The following UTP6 variants were observed in gnomAD, a reference collection of about 807,000 sequenced individuals.
UTP6 encodes the protein UTP6 small subunit processome component, also known as U3 small nucleolar RNA-associated protein 6 homolog.
UTP6 carries 60 observed loss-of-function variants against 96.5 expected under a neutral mutation model. The observed-to-expected ratio is 0.62, with a 90% CI of 0.51 to 0.77. The LOEUF (loss-of-function observed/expected upper bound fraction) is 0.77. UTP6 is among the 30% of genes least tolerant of loss of function. The probability of loss-of-function intolerance (pLI) is 0.00; values close to 1 mark genes in which losing one functional copy is unlikely to be tolerated. For synonymous variants in UTP6, 215 were observed against 240.1 expected (o/e 0.90, Z 0.96); for missense variants, 637 against 706.5 (o/e 0.90, Z 1.12).
At chr17:31,869,749 G>A (rs183100790) in intron 16 of UTP6, among the ~76,000 whole-genome samples, 1 of 152,266 alleles carries the variant, frequency 6.6e-6, no homozygotes, top group Admixed American at 6.5e-5. Flanking sequence ...ACTGAGGTTT[G>A]GGATAGACTG....
intron 17 of UTP6, among the ~76,000 whole-genome samples, chr17:31,867,740 G>C (rs1430290511): frequency 2.0e-5 from 3 of 151,974 alleles, no homozygotes; most frequent in African/African-American, 4.8e-5. Flanking sequence ...GGCACATCAC[G>C]AGGTCAACAG....
At chr17:31,873,841 C>G in intron 14 of UTP6, 88 bp from the exon 15 acceptor site, 2 of 1,410,240 alleles carry the variant, frequency 1.4e-6, no homozygotes, top group South Asian at 1.4e-5. Flanking sequence ...TATTATGTAT[C>G]AATTTTTTTA....
At chr17:31,900,121 C>T (rs575257711) in intron 1 of UTP6, among the ~76,000 whole-genome samples, 53 of 151,666 alleles carry the variant, frequency 3.5e-4, no homozygotes, top group South Asian at 1.2e-3. Flanking sequence ...TCTGGCCTGG[C>T]GACAGAGCAA....
In UTP6 at chr17:31,880,452, A is replaced by G. The variant is rs915565904; in HGVS notation, c.967+121T>C. ...AAAAAAAAAAAAAAAGGCCAGGCTC[A>G]TCGTAAACTATGTTACAGAGACATC... On this transcript the variant is annotated intron_variant, in intron 11 of 18. Transcript: ENST00000261708. 3.8e-5 allele frequency: 47 copies of G among 1,250,974 alleles called. No homozygotes were observed. In the African/African-American group the frequency reaches 6.5e-4, roughly 17 times the overall value. 77.5% of individuals were successfully genotyped at this position (1,250,974 alleles called of 1,614,324 possible).
Position 31,868,046 on chromosome 17 carries a change from T to C in UTP6, c.1563A>G (p.Gln521=). Residue 521 remains glutamine, a splice_region_variant and synonymous_variant, in exon 17 of 19, where the codon CAA becomes CAG. Coordinates refer to ENST00000261708, the MANE Select transcript of UTP6 (RefSeq NM_018428.3). ...FRKMIQFEKE[Q]ESCNMANIRE... ...AGAAATGCTGAAACAGAACACTTAC[T>C]TGCTCCTTTTCAAACTGAATCATTT... 1 of 1,613,028 alleles carries C rather than the reference T, an allele frequency of 6.2e-7. No homozygotes were observed.
intron 18 of UTP6, 49 bp from the exon 19 acceptor site, chr17:31,863,565 G>A (rs1324494387): frequency 1.3e-6 from 2 of 1,500,984 alleles, no homozygotes; most frequent in African/African-American, 1.4e-5. Flanking sequence ...GTGTTATTAG[G>A]TAACCTTATT....
chr17:31,895,816 G>A (rs576294902), intron 2 of UTP6, among the ~76,000 whole-genome samples: 1 of 151,950 alleles, frequency 6.6e-6, no homozygotes, highest in East Asian at 2.0e-4. Flanking sequence ...TTATAGGCAT[G>A]AGCCACCGTG....
At chr17:31,867,340 T>A (rs1796362034) in intron 17 of UTP6, among the ~76,000 whole-genome samples, 2 of 151,906 alleles carry the variant, frequency 1.3e-5, no homozygotes, top group South Asian at 4.1e-4. Flanking sequence ...AAACCCCGTC[T>A]CTATTGAAAA....
chr17:31,884,106 C>T (rs572139030), intron 10 of UTP6, among the ~76,000 whole-genome samples: 4 of 150,586 alleles, frequency 2.7e-5, no homozygotes, highest in Non-Finnish European at 2.9e-5. Flanking sequence ...TCAAGCGAGT[C>T]TCCTGGCTCA....
In UTP6 at chr17:31,878,689, G is replaced by GT. The variant is rs775415231; in HGVS notation, c.1047+12dup. On this transcript the variant is annotated intron_variant, in intron 12 of 18. Transcript: ENST00000261708. Reference sequence around the variant, plus strand: ...CTATCTAGTCAACCACTGTAACCATGTAACAACCTCACCTTCCCTCTAAGG... The same window carrying GT: ...CTATCTAGTCAACCACTGTAACCATGTTAACAACCTCACCTTCCCTCTAAGG... 3.7e-6 allele frequency: 6 copies of GT among 1,612,562 alleles called. No homozygotes were observed. The highest frequency in any genetic ancestry group is 5.1e-6 in the Non-Finnish European group (6 of 1,178,904).
chr17:31,882,083 T>C (rs924309581), intron 10 of UTP6, among the ~76,000 whole-genome samples: 2 of 152,150 alleles, frequency 1.3e-5, no homozygotes, highest in African/African-American at 4.8e-5. Flanking sequence ...CAAGCTGAAG[T>C]GCAGTGGCAC....
At chr17:31,894,831 A>C in intron 3 of UTP6, 94 bp from the exon 4 acceptor site, 1 of 1,313,262 alleles carries the variant, frequency 7.6e-7, no homozygotes, top group Non-Finnish European at 1.1e-6. Context: ...TGATGAAGCA[A>C]ACAAATAATT....
rs2142281613 is a variant in UTP6 at position 31,861,349 on chromosome 17, C to T, written c.*2010G>A. ...AAAACTCTGGCCAGGCACAATGGCTCATGCCTATAATACCAGCACTTTGGG... is the reference window on the plus strand; with the variant it reads ...AAAACTCTGGCCAGGCACAATGGCTTATGCCTATAATACCAGCACTTTGGG... On this transcript the variant is annotated 3_prime_UTR_variant, in exon 19 of 19. Coordinates refer to ENST00000261708, the MANE Select transcript of UTP6 (RefSeq NM_018428.3). The T allele has an allele frequency of 6.6e-6, 1 of 152,262 alleles. No individual in the cohort carries two copies. Among genetic ancestry groups the T allele is most frequent in the South Asian group, 2.1e-4 (1 of 4,814 alleles). 9.4% of individuals were successfully genotyped at this position (152,262 alleles called of 1,614,324 possible). A position where few individuals can be genotyped will look rare whatever the true frequency, so the allele number is the denominator to read the frequency against.
intron 12 of UTP6, 45 bp from the exon 13 acceptor site, chr17:31,878,372 G>C: frequency 6.3e-7 from 1 of 1,585,374 alleles, no homozygotes; most frequent in Non-Finnish European, 8.6e-7. Context: ...GATCCCAGCA[G>C]GGGCCTCTGG....
chr17:31,862,160 G>A lies in UTP6; in HGVS notation c.*1199C>T, dbSNP rs1598088807. 6.6e-6 allele frequency: 1 copy of A among 152,238 alleles called. No homozygotes were observed. Among genetic ancestry groups the A allele is most frequent in the East Asian group, 1.9e-4 (1 of 5,174 alleles). 9.4% of individuals were successfully genotyped at this position (152,238 alleles called of 1,614,324 possible). On this transcript the variant is annotated 3_prime_UTR_variant, in exon 19 of 19. Transcript: ENST00000261708. The stretch of plus-strand genomic sequence containing the variant: ...AATACAAAAATTGGCTGGGCGCGGT[G>A]GCGGGTGCCTGTAATCCCACCCAGC...
At chr17:31,898,646 G>C (rs746215649) in intron 2 of UTP6, among the ~76,000 whole-genome samples, 2 of 152,184 alleles carry the variant, frequency 1.3e-5, no homozygotes, top group Admixed American at 6.5e-5. Context: ...TGCGGTGAGC[G>C]TGAGCAGAGA....
At chr17:31,896,024 A>G (rs1232967263) in intron 2 of UTP6, among the ~76,000 whole-genome samples, 1 of 151,460 alleles carries the variant, frequency 6.6e-6, no homozygotes, top group Non-Finnish European at 1.5e-5. Context: ...AAAGAAAAAA[A>G]AAAAAAAGTT....
At chr17:31,889,808 A>G (rs1911380540) in intron 6 of UTP6, among the ~76,000 whole-genome samples, 2 of 152,022 alleles carry the variant, frequency 1.3e-5, no homozygotes, top group East Asian at 1.9e-4. Context: ...CACTCAAACA[A>G]TTTTTTAAAA....
intron 18 of UTP6, among the ~76,000 whole-genome samples, chr17:31,864,569 AT>A (rs941766748): frequency 5.3e-5 from 8 of 151,932 alleles, no homozygotes; most frequent in Non-Finnish European, 1.2e-4. Flanking sequence ...CTCTAAATAC[AT>A]TTTTTTTAAG....
Sources: allele counts gnomAD v4.1 joint callset (sites outside exome capture counted in the v4.1 genomes callset), GRCh38; gene constraint gnomAD v4.1.1; transcripts MANE v1.5; gene names NCBI Gene and HGNC (gene_info 2026-07-23, HGNC 2026-07-21).